Variants in MINDY3 observed in about 807,000 individuals in gnomAD.
The protein encoded by MINDY3 is MINDY lysine 48 deubiquitinase 3, also known as ubiquitin carboxyl-terminal hydrolase MINDY-3.
In MINDY3, 38 loss-of-function variants were observed where a neutral mutation model predicts 69.2. The ratio of observed to expected loss-of-function variants is 0.55; its 90% CI spans 0.42 to 0.72. MINDY3 has a LOEUF of 0.72. Ranked by LOEUF, MINDY3 falls within the 30% of genes least tolerant of loss-of-function variation. MINDY3 has a pLI of 0.00. For synonymous variants in MINDY3, 192 were observed against 180.1 expected, an observed-to-expected ratio of 1.07 and a Z score of -0.53; for missense variants, 522 against 519.0, an observed-to-expected ratio of 1.01 and a Z score of -0.06.
At position 15,782,195 on chromosome 10, in the gene MINDY3, T is replaced by C. The variant is rs552726614; in HGVS notation, c.1148A>G (p.Tyr383Cys). 2.5e-6 allele frequency: 4 copies of C among 1,610,558 alleles called. No homozygotes were observed. In the South Asian group the frequency reaches 4.4e-5, roughly 18 times the overall value. The change falls in exon 14 of 15, where the codon TAC (tyrosine) becomes TGC (cysteine). Residue 383 changes from tyrosine to cysteine, a missense_variant. Coordinates refer to ENST00000277632, the MANE Select transcript of MINDY3 (RefSeq NM_024948.4). ...TGACTGCTTCAATCCATTGTAGTGG[T>C]AGACAGTAAAAGATTCTGGACCACT... ...GSSGPESFTV[Y>C]HYNGLKQSNY...
At chr10:15,854,301 T>C (rs1834534829) in intron 1 of MINDY3, among the ~76,000 whole-genome samples, 1 of 152,116 alleles carries the variant, frequency 6.6e-6, no homozygotes, top group Non-Finnish European at 1.5e-5. Context: ...CTTTTCCAAT[T>C]GCATATGTGA....
In MINDY3 at chr10:15,782,158, T is replaced by C. The variant is rs1463160467; in HGVS notation, c.1185A>G (p.Glu395=). Residue 395 remains glutamate, a synonymous_variant, in exon 14 of 15, where the codon GAA becomes GAG. Coordinates refer to ENST00000277632, the MANE Select transcript of MINDY3 (RefSeq NM_024948.4). ...YNGLKQSNYN[E]KVMYVEGTAV... ...ACGACTACGTGAATTATCATACCTT[T>C]TCATTATAATTTGACTGCTTCAATC... 1 of 1,604,454 alleles carries C rather than the reference T, an allele frequency of 6.2e-7. No individual in the cohort carries two copies. The highest frequency in any genetic ancestry group is 1.7e-5 in the Admixed American group (1 of 59,582).
At chr10:15,815,030 C>T (rs1839261111) in intron 10 of MINDY3, among the ~76,000 whole-genome samples, 1 of 152,134 alleles carries the variant, frequency 6.6e-6, no homozygotes, top group African/African-American at 2.4e-5. Context: ...ATATTCAACA[C>T]TTTTAGTTTC....
chr10:15,847,184 T>C (rs1345368024), intron 2 of MINDY3, among the ~76,000 whole-genome samples: 1 of 152,238 alleles, frequency 6.6e-6, no homozygotes, highest in Non-Finnish European at 1.5e-5. Flanking sequence ...ACATCATCAG[T>C]ATTACAGTAA....
chr10:15,854,921 C>T (rs762096165), intron 1 of MINDY3, among the ~76,000 whole-genome samples: 1 of 152,070 alleles, frequency 6.6e-6, no homozygotes, highest in East Asian at 1.9e-4. Context: ...ATGAAATCTT[C>T]ACTGTTTGGC....
At chr10:15,800,568 A>C (rs1245789961) in intron 10 of MINDY3, among the ~76,000 whole-genome samples, 1 of 152,070 alleles carries the variant, frequency 6.6e-6, no homozygotes, top group Non-Finnish European at 1.5e-5. Flanking sequence ...ACTTTTCATC[A>C]TGTTTAGTGC....
At chr10:15,804,293 T>C (rs1838473742) in intron 10 of MINDY3, among the ~76,000 whole-genome samples, 1 of 152,014 alleles carries the variant, frequency 6.6e-6, no homozygotes, top group South Asian at 2.1e-4. Context: ...CCTACAATCA[T>C]GAAACAGATA....
At chr10:15,811,228 G>T (rs973719423) in intron 10 of MINDY3, among the ~76,000 whole-genome samples, 3 of 152,120 alleles carry the variant, frequency 2.0e-5, no homozygotes, top group South Asian at 2.1e-4. Context: ...CAATAAAACC[G>T]AAGTTGAAAT....
intron 1 of MINDY3, among the ~76,000 whole-genome samples, chr10:15,855,214 T>C (rs921525119): frequency 6.6e-6 from 1 of 152,100 alleles, no homozygotes; most frequent in Non-Finnish European, 1.5e-5. Flanking sequence ...AATTCCAGTA[T>C]ACATGTTTGA....
At chr10:15,784,895 T>A (rs1397649382) in intron 13 of MINDY3, among the ~76,000 whole-genome samples, 1 of 152,066 alleles carries the variant, frequency 6.6e-6, no homozygotes, top group Non-Finnish European at 1.5e-5. Flanking sequence ...GGAAAAGATC[T>A]ATGACACCGA....
chr10:15,810,166 G>A (rs1838900472), intron 10 of MINDY3, among the ~76,000 whole-genome samples: 1 of 152,036 alleles, frequency 6.6e-6, no homozygotes, highest in African/African-American at 2.4e-5. Context: ...AATATAAAGT[G>A]ATAAGTTCAT....
chr10:15,785,625 G>T (rs1409196209), intron 13 of MINDY3, among the ~76,000 whole-genome samples: 1 of 152,050 alleles, frequency 6.6e-6, no homozygotes, highest in Non-Finnish European at 1.5e-5. Context: ...TTTCATGAAG[G>T]CTTTAAGACC....
At chr10:15,839,631 T>C (rs963735252) in intron 4 of MINDY3, among the ~76,000 whole-genome samples, 1 of 151,100 alleles carries the variant, frequency 6.6e-6, no homozygotes, top group Non-Finnish European at 1.5e-5. Context: ...GCAGGGATGG[T>C]GAAAAAATAT....
Position 15,789,292 on chromosome 10 carries a change from A to G in MINDY3, c.983T>C (p.Leu328Pro). 1 of 1,611,782 alleles carries G rather than the reference A, an allele frequency of 6.2e-7. No homozygotes were observed. The highest frequency in any genetic ancestry group is 8.5e-7 in the Non-Finnish European group (1 of 1,178,584). Residue 328 changes from leucine (L) to proline (P), a missense_variant, in exon 12 of 15, where the codon CTG (leucine) becomes CCG (proline). Leu to Pro is a moderately conservative substitution (Grantham distance 98). Coordinates refer to ENST00000277632, the MANE Select transcript of MINDY3 (RefSeq NM_024948.4). The part of the protein sequence containing the change: ...EDNGFIPDSL[L>P]EDVMKALDLV... The stretch of plus-strand genomic sequence containing the variant: ...GTCCAATGCTTTCATCACATCTTCC[A>G]GAAGTGAATCGGGTATGAATCCATT...
At chr10:15,786,712 T>C in intron 12 of MINDY3, 64 bp from the exon 13 acceptor site, 1 of 969,632 alleles carries the variant, frequency 1.0e-6, no homozygotes, top group Non-Finnish European at 1.6e-6. Flanking sequence ...TTTTCTTTCA[T>C]GATTAAATTA....
At chr10:15,784,016 G>C (rs1417177033) in intron 13 of MINDY3, among the ~76,000 whole-genome samples, 1 of 152,154 alleles carries the variant, frequency 6.6e-6, no homozygotes, top group African/African-American at 2.4e-5. Context: ...AAAATACCTA[G>C]TGTATGACCT....
At chr10:15,845,529 T>A (rs565831393) in intron 2 of MINDY3, among the ~76,000 whole-genome samples, 1 of 152,262 alleles carries the variant, frequency 6.6e-6, no homozygotes, top group African/African-American at 2.4e-5. Context: ...AAACAGGGTC[T>A]CCCTCTATTG....
chr10:15,832,506 A>G (rs1289160965), intron 8 of MINDY3, among the ~76,000 whole-genome samples: 1 of 152,208 alleles, frequency 6.6e-6, no homozygotes, highest in African/African-American at 2.4e-5. Context: ...TAAGGGTTGA[A>G]GAATAGGATG....
intron 8 of MINDY3, among the ~76,000 whole-genome samples, chr10:15,829,867 C>T (rs542644277): frequency 5.3e-5 from 8 of 152,182 alleles, no homozygotes; most frequent in African/African-American, 1.9e-4. Flanking sequence ...GTAAGAAAAC[C>T]GAGGCTCAGA....
Sources: allele counts gnomAD v4.1 joint callset (sites outside exome capture counted in the v4.1 genomes callset), GRCh38; gene constraint gnomAD v4.1.1; transcripts MANE v1.5; gene names NCBI Gene and HGNC (gene_info 2026-07-23, HGNC 2026-07-21).